Variants in ASIC2 observed in about 807,000 individuals in gnomAD.
ASIC2 encodes the protein acid sensing ion channel subunit 2.
ASIC2 carries 25 observed loss-of-function variants against 57.3 expected under a neutral mutation model. The ratio of observed to expected loss-of-function variants is 0.44; its 90% CI spans 0.32 to 0.61. The LOEUF (loss-of-function observed/expected upper bound fraction) is 0.61. Ranked by LOEUF, ASIC2 falls within the 20% of genes least tolerant of loss-of-function variation. The pLI is 0.06. For missense variants in ASIC2, 641 were observed against 738.1 expected, an observed-to-expected ratio of 0.87 and a Z score of 1.52; for synonymous variants, 319 against 307.5, an observed-to-expected ratio of 1.04 and a Z score of -0.39.
chr17:33,373,219 A>C (rs946430077), intron 1 of ASIC2, among the ~76,000 whole-genome samples: 7 of 152,230 alleles, frequency 4.6e-5, no homozygotes, highest in Non-Finnish European at 8.8e-5. Flanking sequence ...TCAGAAATGC[A>C]GAGGAATAAT....
intron 1 of ASIC2, among the ~76,000 whole-genome samples, chr17:33,204,747 G>A (rs532604420): frequency 1.3e-5 from 2 of 152,254 alleles, no homozygotes; most frequent in Non-Finnish European, 2.9e-5. Flanking sequence ...GTGTGAACAT[G>A]TACATGTCCA....
At chr17:33,740,338 C>T (rs1202625052) in intron 1 of ASIC2, among the ~76,000 whole-genome samples, 2 of 152,224 alleles carry the variant, frequency 1.3e-5, no homozygotes, top group Non-Finnish European at 2.9e-5. Context: ...CACAATTTCA[C>T]ATGGCTGGGA....
intron 1 of ASIC2, among the ~76,000 whole-genome samples, chr17:34,027,377 C>T (rs1170512583): frequency 2.6e-5 from 4 of 152,318 alleles, no homozygotes; most frequent in Admixed American, 1.3e-4. Context: ...CCTGGTTACA[C>T]GGCCATGGGC....
rs998391621 is a variant in ASIC2, at chr17:33,890,768, G to C, written c.555+265210C>G. Among the ~76,000 whole-genome samples the C allele has an allele frequency of 1.5e-4, 23 of 152,148 alleles. 1 individual carries two copies. Among genetic ancestry groups the C allele is most frequent in the Non-Finnish European group, 2.9e-5 (2 of 68,030 alleles). ...AGAAGCTGCTTTCACTCTCTGCAGGGGCTTTGTGAGGCTCAGGGACAGGGA... is the reference window on the plus strand; with the variant it reads ...AGAAGCTGCTTTCACTCTCTGCAGGCGCTTTGTGAGGCTCAGGGACAGGGA... On this transcript the variant is annotated intron_variant, in intron 1 of 9. Coordinates refer to the ASIC2 transcript ENST00000359872.
intron 1 of ASIC2, chr17:34,146,795 C>T (rs1485620936): frequency 6.6e-6 from 1 of 152,226 alleles, no homozygotes; most frequent in African/African-American, 2.4e-5. Flanking sequence ...CCAACAGTGT[C>T]TTCCACAGAT....
At position 33,601,113 on chromosome 17, in the gene ASIC2, G is replaced by A. The variant is rs1326431081; in HGVS notation, c.556-489046C>T. 2.6e-5 allele frequency among the ~76,000 whole-genome samples: 4 copies of A among 152,168 alleles called. No homozygotes were observed. The East Asian group carries it at 7.7e-4, about 29-fold the overall frequency. ...TAAAGATGGGATTTATAATTAAAAG[G>A]AAAGCAGAAAATACAAATTTTGTAA... On this transcript the variant is annotated intron_variant, in intron 1 of 9. Coordinates refer to the ASIC2 transcript ENST00000359872.
In ASIC2 at chr17:34,039,655, C is replaced by T. The variant is rs1908029199; in HGVS notation, c.555+116323G>A. 11 of 1,612,974 alleles carry T rather than the reference C, an allele frequency of 6.8e-6. No individual in the cohort carries two copies. In the South Asian group the frequency reaches 1.2e-4, roughly 18 times the overall value. ...TCCCCTAGGAGTGCCTTTCCCTTGG[C>T]TACTTTCATATGGTTCAGCTTTTCT... On this transcript the variant is annotated intron_variant, in intron 1 of 9. Transcript: ENST00000359872.
At chr17:33,316,530 C>T (rs186356636) in intron 1 of ASIC2, among the ~76,000 whole-genome samples, 43 of 152,316 alleles carry the variant, frequency 2.8e-4, no homozygotes, top group Non-Finnish European at 2.4e-4. Flanking sequence ...TCAAGTCATC[C>T]GCCCATCTTG....
intron 1 of ASIC2, chr17:33,533,754 G>A (rs1246082969): frequency 6.6e-6 from 1 of 152,188 alleles, no homozygotes; most frequent in Non-Finnish European, 1.5e-5. Context: ...GTCATAGCCG[G>A]ATGGAAGATA....
At chr17:33,572,956 T>A (rs753456848) in intron 1 of ASIC2, among the ~76,000 whole-genome samples, 12 of 152,232 alleles carry the variant, frequency 7.9e-5, no homozygotes, top group African/African-American at 1.7e-4. Flanking sequence ...GTCACAACCA[T>A]CTGCCTATCA....
chr17:33,885,132 G>T (rs1039932658), intron 1 of ASIC2, among the ~76,000 whole-genome samples: 1 of 152,156 alleles, frequency 6.6e-6, no homozygotes, highest in East Asian at 1.9e-4. Context: ...GGGAGGCAAG[G>T]TTGTGCATGG....
chr17:33,063,784 C>G (rs1358227106), intron 3 of ASIC2, among the ~76,000 whole-genome samples: 2 of 152,188 alleles, frequency 1.3e-5, no homozygotes, highest in Admixed American at 6.5e-5. Context: ...CTCCCCGTCA[C>G]TTTCAGGTAC....
chr17:33,970,484 T>C lies in ASIC2; in HGVS notation c.555+185494A>G, dbSNP rs560155238. ...CCCTGCTGAGCCAAGCCCTGATCTA[T>C]GGGCAGAGGAAGTTAAGCAGCAGCC... On this transcript the variant is annotated intron_variant, in intron 1 of 9. Transcript: ENST00000359872. 3.3e-5 allele frequency among the ~76,000 whole-genome samples: 5 copies of C among 152,260 alleles called. No homozygotes were observed. The East Asian group carries it at 9.7e-4, about 29-fold the overall frequency.
intron 1 of ASIC2, among the ~76,000 whole-genome samples, chr17:33,780,553 G>A (rs187669778): frequency 5.3e-5 from 8 of 152,316 alleles, no homozygotes; most frequent in African/African-American, 1.4e-4. Context: ...CAGCCAAAGG[G>A]ACCTGAGTTT....
At chr17:33,688,096 G>C (rs1908251010) in intron 1 of ASIC2, among the ~76,000 whole-genome samples, 1 of 152,148 alleles carries the variant, frequency 6.6e-6, no homozygotes, top group Admixed American at 6.5e-5. Context: ...TGTGTGTGTT[G>C]GGGGTGGCCT....
intron 7 of ASIC2, among the ~76,000 whole-genome samples, chr17:33,020,488 G>A (rs2091830967): frequency 1.3e-5 from 2 of 152,150 alleles, no homozygotes; most frequent in Non-Finnish European, 2.9e-5. Context: ...CCTTTCTTGA[G>A]AGTGAGTGGG....
rs559966292 is a variant in ASIC2, at chr17:33,032,522, C to T, written c.988-4130G>A. ...GGAGTGCAGTGGTGCGATCTCTGCT[C>T]TCTGCAATCTCTGTCTCCTGGGTTT... On this transcript the variant is annotated intron_variant, in intron 3 of 9. Transcript: ENST00000225823. Among the ~76,000 whole-genome samples the T allele has an allele frequency of 9.5e-4, 131 of 138,302 alleles. 1 individual carries two copies. Among genetic ancestry groups the T allele is most frequent in the African/African-American group, 3.6e-3 (130 of 35,700 alleles). 90.7% of individuals were successfully genotyped at this position (138,302 alleles called of 152,430 possible). A position where few individuals can be genotyped will look rare whatever the true frequency, so the allele number is the denominator to read the frequency against.
chr17:33,434,619 T>C (rs964060907), intron 1 of ASIC2, among the ~76,000 whole-genome samples: 1 of 152,246 alleles, frequency 6.6e-6, no homozygotes, highest in Non-Finnish European at 1.5e-5. Flanking sequence ...CTGACTTTTA[T>C]GTACAAAGGA....
intron 1 of ASIC2, among the ~76,000 whole-genome samples, chr17:33,285,331 T>C (rs951159601): frequency 1.3e-5 from 2 of 152,248 alleles, no homozygotes; most frequent in African/African-American, 4.8e-5. Context: ...TTCATGTTCC[T>C]TGTATAAATG....
Sources: allele counts gnomAD v4.1 joint callset (sites outside exome capture counted in the v4.1 genomes callset), GRCh38; gene constraint gnomAD v4.1.1; transcripts MANE v1.5; gene names NCBI Gene and HGNC (gene_info 2026-07-23, HGNC 2026-07-21).